BCR: variants seen among roughly 807,000 people sequenced by gnomAD.
BCR encodes the protein BCR activator of RhoGEF and GTPase.
In BCR, 58 loss-of-function variants were observed where a neutral mutation model predicts 138.6. That is an observed-to-expected ratio of 0.42 (90% CI 0.34 to 0.52). The LOEUF (loss-of-function observed/expected upper bound fraction) is 0.52, where lower values mean the gene tolerates loss of function less well. Ranked by LOEUF, BCR falls within the 20% of genes least tolerant of loss-of-function variation. The pLI is 0.06. For synonymous variants in BCR, 786 were observed against 730.1 expected (o/e 1.08, Z -1.23); for missense variants, 1,599 against 1,727.2 (o/e 0.93, Z 1.32).
At chr22:23,230,211 A>G (rs2072941050) in intron 1 of BCR, among the ~76,000 whole-genome samples, 1 of 151,796 alleles carries the variant, frequency 6.6e-6, no homozygotes. Context: ...GCCCTTATCT[A>G]CCTTTTTGAG....
intron 14 of BCR, 185 bp downstream of exon 14, chr22:23,290,598 C>T (rs983019536): frequency 2.7e-5 from 17 of 628,770 alleles, no homozygotes; most frequent in Non-Finnish European, 3.7e-5. Context: ...TTGTTTTTCC[C>T]GGAGTGGCCT....
intron 2 of BCR, among the ~76,000 whole-genome samples, chr22:23,258,001 G>A (rs763842780): frequency 2.6e-5 from 4 of 152,124 alleles, no homozygotes; most frequent in Non-Finnish European, 4.4e-5. Context: ...AGGCACAGCC[G>A]TGGCCTGGAG....
rs74405966 is a variant in BCR at position 23,237,332 on chromosome 22, C to T, written c.1280-16467C>T. Among the ~76,000 whole-genome samples the T allele has an allele frequency of 2.8e-3, 422 of 152,294 alleles. 1 individual carries two copies. The highest frequency in any genetic ancestry group is 9.7e-3 in the African/African-American group (401 of 41,542). On this transcript the variant is annotated intron_variant, in intron 1 of 22. Transcript: ENST00000305877. The stretch of plus-strand genomic sequence containing the variant: ...GGCGTGTGAATCTCACCTCCTCCCA[C>T]GGCCCCCTGGGGAAGCAGGATAGGA...
At chr22:23,300,452 C>T (rs1602121658) in intron 16 of BCR, among the ~76,000 whole-genome samples, 4 of 152,352 alleles carry the variant, frequency 2.6e-5, no homozygotes, top group South Asian at 2.1e-4. Context: ...AGCAGGTGGA[C>T]GCCTGGGTTC....
chr22:23,289,419 G>A (rs752085107), intron 12 of BCR, 98 bp from the exon 13 acceptor site: 32 of 1,011,454 alleles, frequency 3.2e-5, no homozygotes, highest in Non-Finnish European at 4.8e-5. Context: ...TTCTTGCCGT[G>A]CCCCTTCCCC....
chr22:23,228,780 G>A (rs1259412810), intron 1 of BCR, among the ~76,000 whole-genome samples: 1 of 152,060 alleles, frequency 6.6e-6, no homozygotes, highest in Non-Finnish European at 1.5e-5. Flanking sequence ...CTGCTTTCAA[G>A]ACTTTTTTCT....
intron 1 of BCR, among the ~76,000 whole-genome samples, chr22:23,187,544 G>A (rs1014965018): frequency 6.6e-6 from 1 of 150,422 alleles, no homozygotes; most frequent in Admixed American, 6.6e-5. Context: ...ATGTTGCCCA[G>A]GCTGGCCTCG....
chr22:23,250,194 T>C (rs1179956617), intron 1 of BCR, among the ~76,000 whole-genome samples: 1 of 152,216 alleles, frequency 6.6e-6, no homozygotes, highest in Non-Finnish European at 1.5e-5. Flanking sequence ...AAGTTCTTGC[T>C]GGGCTGACTC....
rs753230073 is a variant in BCR at position 23,253,974 on chromosome 22, T to C, written c.1455T>C (p.Thr485=). The C allele has an allele frequency of 1.9e-6, 3 of 1,611,290 alleles. No homozygotes were observed. Among genetic ancestry groups the C allele is most frequent in the African/African-American group, 2.7e-5 (2 of 74,824 alleles). The change falls in exon 2 of 23, where the codon ACT becomes ACC. Residue 485 remains threonine (T), a synonymous_variant. Coordinates refer to ENST00000305877, the MANE Select transcript of BCR (RefSeq NM_004327.4). Reference sequence around the variant, plus strand: ...TGGTCTCGGGAGCCCTGGAGTCCACTAAAGCGGTGAGTCCCCATGGTGTAC... The same window carrying C: ...TGGTCTCGGGAGCCCTGGAGTCCACCAAAGCGGTGAGTCCCCATGGTGTAC... ...DALVSGALES[T]KASELDLEKG...
intron 1 of BCR, among the ~76,000 whole-genome samples, chr22:23,185,216 C>T (rs1031338597): frequency 1.2e-4 from 19 of 152,170 alleles, no homozygotes; most frequent in South Asian, 2.1e-4. Flanking sequence ...AGAGCTGTTC[C>T]GTTTGGCACG....
intron 8 of BCR, among the ~76,000 whole-genome samples, chr22:23,282,492 C>T (rs1320506015): frequency 6.6e-6 from 1 of 152,262 alleles, no homozygotes; most frequent in Admixed American, 6.5e-5. Flanking sequence ...GACATGAAGC[C>T]TCCACCTCTG....
intron 4 of BCR, among the ~76,000 whole-genome samples, chr22:23,265,656 C>G (rs1375183890): frequency 6.6e-6 from 1 of 152,210 alleles, no homozygotes; most frequent in Non-Finnish European, 1.5e-5. Context: ...TTCAAACTTA[C>G]AGGAGAACTG....
intron 5 of BCR, among the ~76,000 whole-genome samples, chr22:23,270,949 A>G (rs1383960170): frequency 1.3e-5 from 2 of 152,210 alleles, no homozygotes; most frequent in Non-Finnish European, 2.9e-5. Flanking sequence ...TGGAGGTATA[A>G]TCCAGTGTCA....
intron 6 of BCR, 122 bp from the exon 7 acceptor site, chr22:23,272,959 G>A (rs1296333484): frequency 4.9e-6 from 5 of 1,028,268 alleles, no homozygotes; most frequent in Non-Finnish European, 7.4e-6. Context: ...TGCGCAGAGG[G>A]GAGATGGGGC....
chr22:23,272,440 G>A (rs1178376759), intron 6 of BCR, among the ~76,000 whole-genome samples: 1 of 152,126 alleles, frequency 6.6e-6, no homozygotes, highest in Non-Finnish European at 1.5e-5. Flanking sequence ...ACACACCTGA[G>A]CGTCTGTGCC....
At chr22:23,314,776 C>G (rs1602138800) in intron 22 of BCR, 62 bp downstream of exon 22, 2 of 1,584,014 alleles carry the variant, frequency 1.3e-6, no homozygotes, top group East Asian at 2.2e-5. Context: ...CTCTGCCTGC[C>G]CCACCCCCAG....
At chr22:23,184,781 G>C (rs1294790917) in intron 1 of BCR, among the ~76,000 whole-genome samples, 1 of 152,168 alleles carries the variant, frequency 6.6e-6, no homozygotes, top group Non-Finnish European at 1.5e-5. Flanking sequence ...TTCCCCTGAC[G>C]TGGGTCCATG....
intron 16 of BCR, among the ~76,000 whole-genome samples, 153 bp downstream of exon 16, chr22:23,295,308 C>A (rs1359231888): frequency 6.6e-6 from 1 of 152,118 alleles, no homozygotes; most frequent in Non-Finnish European, 1.5e-5. Flanking sequence ...AGACCTGAGC[C>A]GGTGCCTGCA....
At position 23,268,393 on chromosome 22, in the gene BCR, C is replaced by A. The variant is rs1295699161; in HGVS notation, c.1753-15C>A. ...GCAGCACCTGTCCCACTCTCTCTTC[C>A]TTCCTCCCCCTCAGGCCAGCCAGCT... On this transcript the variant is annotated splice_polypyrimidine_tract_variant and intron_variant, in intron 4 of 22. Transcript: ENST00000305877. 6.3e-7 allele frequency: 1 copy of A among 1,597,644 alleles called. No individual in the cohort carries two copies. Among genetic ancestry groups the A allele is most frequent in the East Asian group, 2.2e-5 (1 of 44,454 alleles).
Sources: allele counts gnomAD v4.1 joint callset (sites outside exome capture counted in the v4.1 genomes callset), GRCh38; gene constraint gnomAD v4.1.1; transcripts MANE v1.5; gene names NCBI Gene and HGNC (gene_info 2026-07-23, HGNC 2026-07-21).